Variants in SLC25A33 observed in about 807,000 individuals in gnomAD.
SLC25A33 encodes the protein solute carrier family 25 member 33, also known as bone marrow stromal cell mitochondrial carrier protein.
In SLC25A33, 15 loss-of-function variants were observed where a neutral mutation model predicts 35.5. The ratio of observed to expected loss-of-function variants is 0.42; its 90% CI spans 0.28 to 0.65. SLC25A33 has a LOEUF of 0.65. Among genes scored for constraint, SLC25A33 ranks in the 30% least tolerant of loss-of-function variants. SLC25A33 has a pLI of 0.20. For synonymous variants in SLC25A33, 136 were observed against 148.7 expected (o/e 0.91, Z 0.62); for missense variants, 257 against 398.5 (o/e 0.64, Z 3.02).
chr1:9,549,360 G>A (rs1329801351), intron 1 of SLC25A33, among the ~76,000 whole-genome samples: 2 of 140,584 alleles, frequency 1.4e-5, no homozygotes, highest in Non-Finnish European at 3.1e-5. Context: ...GGGATCAATG[G>A]GGGGGATGAA....
At chr1:9,553,443 C>T (rs1643297008) in intron 1 of SLC25A33, among the ~76,000 whole-genome samples, 183 bp from the exon 2 acceptor site, 1 of 151,772 alleles carries the variant, frequency 6.6e-6, no homozygotes, top group African/African-American at 2.4e-5. Flanking sequence ...CTGTGTTAGC[C>T]AGGATGGTCT....
intron 1 of SLC25A33, among the ~76,000 whole-genome samples, chr1:9,544,524 C>T (rs1475283253): frequency 6.6e-6 from 1 of 152,108 alleles, no homozygotes; most frequent in Non-Finnish European, 1.5e-5. Flanking sequence ...CCATCTCAGC[C>T]TCCAAAAGTG....
rs1310396984 is a variant in SLC25A33 at position 9,562,044 on chromosome 1, C to T, written c.237-5240C>T. Among the ~76,000 whole-genome samples, 7 of 134,844 alleles carry T rather than the reference C, an allele frequency of 5.2e-5. No individual in the cohort carries two copies. The South Asian group carries it at 1.6e-3, about 31-fold the overall frequency. The allele number at this position is 134,844 out of a possible 152,430, so 88.5% of individuals were successfully genotyped here. A position where few individuals can be genotyped will look rare whatever the true frequency, so the allele number is the denominator to read the frequency against. On this transcript the variant is annotated intron_variant, in intron 2 of 6. Transcript: ENST00000302692. ...CTCGCCTGGCGACAGAGCAAGACTC[C>T]GTCTCAAAAAAAAAAAAAAAGGGGC...
chr1:9,541,199 G>A (rs1643075249), intron 1 of SLC25A33, among the ~76,000 whole-genome samples: 1 of 150,128 alleles, frequency 6.7e-6, no homozygotes, highest in Admixed American at 6.7e-5. Context: ...TGTAGCCCAG[G>A]CTGGAGTGCA....
Position 9,580,124 on chromosome 1 carries a change from C to T in SLC25A33, c.653C>T (p.Pro218Leu). ...ESLKKYLKEA[P>L]LASSANGTEK... ...TTAAAGAAGTATCTGAAAGAAGCTC[C>T]ATTAGCCTCTTCTGCAAATGGGACT... The change falls in exon 6 of 7, where the codon CCA becomes CTA. Residue 218 changes from proline to leucine, a missense_variant. Physicochemically the swap from Pro to Leu is moderately conservative, Grantham distance 98 (BLOSUM62 -3). Coordinates refer to ENST00000302692, the MANE Select transcript of SLC25A33 (RefSeq NM_032315.3). The T allele has an allele frequency of 6.2e-7, 1 of 1,611,046 alleles. No homozygotes were observed. Among genetic ancestry groups the T allele is most frequent in the South Asian group, 1.1e-5 (1 of 90,904 alleles).
rs1643687519 is a variant in SLC25A33 at position 9,578,009 on chromosome 1, G to A, written c.483-1945G>A. Among the ~76,000 whole-genome samples, 3 of 152,224 alleles carry A rather than the reference G, an allele frequency of 2.0e-5. No homozygotes were observed. In the South Asian group the frequency reaches 6.2e-4, roughly 32 times the overall value. On this transcript the variant is annotated intron_variant, in intron 5 of 6. Coordinates refer to ENST00000302692, the MANE Select transcript of SLC25A33 (RefSeq NM_032315.3). This position sits in a 1 kb window ranked among gnomAD's most constrained non-coding sequence, Gnocchi z 4.3. Reference sequence around the variant, plus strand: ...TGCATCTCAGCTCACTGCGAGCTCCGCCTCCCGGGTGCACGCCATTCTCCT... The same window carrying A: ...TGCATCTCAGCTCACTGCGAGCTCCACCTCCCGGGTGCACGCCATTCTCCT...
intron 1 of SLC25A33, among the ~76,000 whole-genome samples, chr1:9,547,183 G>A (rs995029996): frequency 6.6e-6 from 1 of 152,212 alleles, no homozygotes. Context: ...GCCAGGCGCA[G>A]TGGCTCATGC....
chr1:9,543,103 A>G (rs1643117297), intron 1 of SLC25A33, among the ~76,000 whole-genome samples: 1 of 151,736 alleles, frequency 6.6e-6, no homozygotes, highest in South Asian at 2.1e-4. Context: ...TACAGGTGTG[A>G]GCCACCACGC....
At chr1:9,572,129 C>G (rs1028731813) in intron 4 of SLC25A33, among the ~76,000 whole-genome samples, 4 of 152,144 alleles carry the variant, frequency 2.6e-5, no homozygotes, top group Non-Finnish European at 5.9e-5. Context: ...TTGCTTTATA[C>G]AAGGAAGCCA....
Position 9,570,331 on chromosome 1 carries a change from G to A in SLC25A33, c.388G>A (p.Val130Met). The change falls in exon 4 of 7, where the codon GTG (valine) becomes ATG (methionine). Residue 130 changes from valine to methionine, a missense_variant. By Grantham distance (21) the Val-to-Met change is conservative (BLOSUM62 1). Coordinates refer to ENST00000302692, the MANE Select transcript of SLC25A33 (RefSeq NM_032315.3). ...NGIFVPNSNI[V>M]HIFSAGSAAF... ...CATTTTCGTGCCTAACAGCAATATTGTGCATATTTTCTCAGCTGGCTCTGC... is the reference window on the plus strand; with the variant it reads ...CATTTTCGTGCCTAACAGCAATATTATGCATATTTTCTCAGCTGGCTCTGC... 1.2e-6 allele frequency: 2 copies of A among 1,613,982 alleles called. No homozygotes were observed. The highest frequency in any genetic ancestry group is 2.2e-5 in the South Asian group (2 of 91,060).
chr1:9,554,355 G>A (rs1226608142), intron 2 of SLC25A33, among the ~76,000 whole-genome samples: 1 of 150,758 alleles, frequency 6.6e-6, no homozygotes, highest in African/African-American at 2.4e-5. Flanking sequence ...GAAACAAAAT[G>A]TTTGTTTGTT....
chr1:9,553,835 C>T lies in SLC25A33; in HGVS notation c.236+30C>T, dbSNP rs771013700. On this transcript the variant is annotated intron_variant, in intron 2 of 6. Coordinates refer to ENST00000302692, the MANE Select transcript of SLC25A33 (RefSeq NM_032315.3). ...GTTCAGTCTTGTCTGCTCCTGCCACCTGCACACCCTGTACCGCCACTGTCA... is the reference window on the plus strand; with the variant it reads ...GTTCAGTCTTGTCTGCTCCTGCCACTTGCACACCCTGTACCGCCACTGTCA... The T allele has an allele frequency of 4.8e-5, 76 of 1,586,686 alleles. 1 individual carries two copies. The East Asian group carries it at 1.7e-3, about 35-fold the overall frequency.
chr1:9,557,412 G>A (rs1271922578), intron 2 of SLC25A33, among the ~76,000 whole-genome samples: 1 of 151,804 alleles, frequency 6.6e-6, no homozygotes, highest in African/African-American at 2.4e-5. Context: ...TAAAATTCTG[G>A]GCTGGGCACG....
intron 1 of SLC25A33, among the ~76,000 whole-genome samples, chr1:9,551,695 C>G (rs1281326697): frequency 6.7e-6 from 1 of 150,178 alleles, no homozygotes; most frequent in Non-Finnish European, 1.5e-5. Context: ...ATGAGAAAGA[C>G]TTTTTTTTTT....
At chr1:9,559,221 GT>G (rs1643385724) in intron 2 of SLC25A33, among the ~76,000 whole-genome samples, 1 of 152,144 alleles carries the variant, frequency 6.6e-6, no homozygotes, top group Non-Finnish European at 1.5e-5. Context: ...ATACAGTGTA[GT>G]TTACTTATTT....
chr1:9,550,011 A>ATATACTTTTTT (rs754618497), intron 1 of SLC25A33, among the ~76,000 whole-genome samples: 1 of 48,866 alleles, frequency 2.0e-5, no homozygotes, highest in East Asian at 4.6e-4. Flanking sequence ...ATATATATAT[A>ATATACTTTTTT]TTTTTTTTTT....
chr1:9,561,689 C>G (rs1162942759), intron 2 of SLC25A33, among the ~76,000 whole-genome samples: 1 of 152,094 alleles, frequency 6.6e-6, no homozygotes, highest in Non-Finnish European at 1.5e-5. Context: ...GAGTTCCCTA[C>G]TGCATTATGG....
At chr1:9,569,595 A>ATGAT (rs70979763) in intron 3 of SLC25A33, among the ~76,000 whole-genome samples, 6,089 of 152,254 alleles carry the variant, frequency 0.04, 207 homozygotes, top group Non-Finnish European at 0.055. Context: ...AATATATTCT[A>ATGAT]TGATTGATTC....
At chr1:9,553,291 A>G (rs1222478811) in intron 1 of SLC25A33, among the ~76,000 whole-genome samples, 5 of 138,728 alleles carry the variant, frequency 3.6e-5, no homozygotes, top group Admixed American at 1.5e-4. Context: ...CAGTGGCACA[A>G]TCGGCTCACT....
Sources: allele counts gnomAD v4.1 joint callset (sites outside exome capture counted in the v4.1 genomes callset), GRCh38; gene constraint gnomAD v4.1.1; non-coding constraint Gnocchi (gnomAD v3.1); transcripts MANE v1.5; gene names NCBI Gene and HGNC (gene_info 2026-07-23, HGNC 2026-07-21).